CCDC134: variants seen among roughly 807,000 people sequenced by gnomAD.
CCDC134 encodes coiled-coil domain containing 134.
CCDC134 carries 27 observed loss-of-function variants against 25.6 expected under a neutral mutation model. The observed-to-expected ratio is 1.05, with a 90% CI of 0.78 to 1.45. CCDC134 has a LOEUF of 1.45. Ranked by LOEUF, CCDC134 falls within the 40% of genes most tolerant of loss-of-function variation. The probability of loss-of-function intolerance (pLI) is 0.00; values close to 1 mark genes in which losing one functional copy is unlikely to be tolerated. For missense variants in CCDC134, 261 were observed against 286.7 expected (o/e 0.91, Z 0.65); for synonymous variants, 110 against 115.0 (o/e 0.96, Z 0.28).
intron 6 of CCDC134, among the ~76,000 whole-genome samples, chr22:41,819,266 G>A (rs770925680): frequency 1.3e-5 from 2 of 152,208 alleles, no homozygotes; most frequent in Admixed American, 1.3e-4. Flanking sequence ...CCAGGGGGCT[G>A]GCCCTGTCGC....
Position 41,813,400 on chromosome 22 carries a change from G to C in CCDC134, c.447G>C (p.Gln149His). 6.2e-7 allele frequency: 1 copy of C among 1,614,202 alleles called. No individual in the cohort carries two copies. The highest frequency in any genetic ancestry group is 8.5e-7 in the Non-Finnish European group (1 of 1,180,042). Reference protein sequence around the residue: ...LIRWGISFCNQTGVFNQGPHS... With the variant: ...LIRWGISFCNHTGVFNQGPHS... ...GCTGGGGTATCAGTTTCTGCAACCAGACAGGCGTCTTCAACCAGGGGCCCC... is the reference window on the plus strand; with the variant it reads ...GCTGGGGTATCAGTTTCTGCAACCACACAGGCGTCTTCAACCAGGGGCCCC... The change falls in exon 5 of 7, where the codon CAG (glutamine) becomes CAC (histidine). Residue 149 changes from glutamine (Q) to histidine (H), a missense_variant. Coordinates refer to ENST00000255784, the MANE Select transcript of CCDC134 (RefSeq NM_024821.5).
chr22:41,810,081 G>A, intron 3 of CCDC134, 81 bp downstream of exon 3: 2 of 1,600,182 alleles, frequency 1.2e-6, no homozygotes, highest in East Asian at 2.2e-5. Flanking sequence ...TTCCCTAACG[G>A]GTTGGTGTTC....
At chr22:41,803,077 G>T (rs2076551764) in intron 1 of CCDC134, among the ~76,000 whole-genome samples, 1 of 151,998 alleles carries the variant, frequency 6.6e-6, no homozygotes, top group African/African-American at 2.4e-5. Context: ...TCGCACCATT[G>T]CACTCCAGCC....
rs2076689820 is a variant in CCDC134 at position 41,828,467 on chromosome 22, C to T, written c.*2644C>T. On this transcript the variant is annotated 3_prime_UTR_variant, in exon 7 of 7. Coordinates refer to ENST00000255784, the MANE Select transcript of CCDC134 (RefSeq NM_024821.5). ...TGCCCCTTCTGGCACCTCCTTCCTC[C>T]TGGGCTCTTTCCTCTAATACCGTCA... is the stretch of plus-strand genomic sequence containing the variant. 6.6e-6 allele frequency among the ~76,000 whole-genome samples: 1 copy of T among 152,178 alleles called. No individual in the cohort carries two copies. The highest frequency in any genetic ancestry group is 2.4e-5 in the African/African-American group (1 of 41,436).
rs988247561 is a variant in CCDC134 at position 41,831,785 on chromosome 22, C to T, written c.*5962C>T. ...CTGTAATTTATTTTTATGTTTAATA[C>T]GGGTGTGGGATTTCTGATTTTTTTT... On this transcript the variant is annotated 3_prime_UTR_variant, in exon 7 of 7. Coordinates refer to ENST00000255784, the MANE Select transcript of CCDC134 (RefSeq NM_024821.5). 3.8e-5 allele frequency: 5 copies of T among 131,704 alleles called. No individual in the cohort carries two copies. The highest frequency in any genetic ancestry group is 6.3e-5 in the Non-Finnish European group (4 of 63,448). 8.2% of individuals were successfully genotyped at this position (131,704 alleles called of 1,614,324 possible).
At chr22:41,807,070 A>G (rs903795758) in intron 1 of CCDC134, among the ~76,000 whole-genome samples, 2 of 152,038 alleles carry the variant, frequency 1.3e-5, no homozygotes, top group Non-Finnish European at 1.5e-5. Flanking sequence ...CAAAACAAAA[A>G]CTAGTGCCTT....
At chr22:41,813,081 G>C (rs535709074) in intron 4 of CCDC134, among the ~76,000 whole-genome samples, 183 bp from the exon 5 acceptor site, 1 of 152,218 alleles carries the variant, frequency 6.6e-6, no homozygotes, top group East Asian at 1.9e-4. Flanking sequence ...GACTCAGTGA[G>C]CTGGTGGATG....
At chr22:41,812,936 A>G (rs563335606) in intron 4 of CCDC134, among the ~76,000 whole-genome samples, 1 of 152,282 alleles carries the variant, frequency 6.6e-6, no homozygotes, top group South Asian at 2.1e-4. Context: ...GTGTCTTCTA[A>G]GCAGCAAGAT....
Position 41,825,242 on chromosome 22 carries a change from A to G in CCDC134, c.565-456A>G, listed in dbSNP as rs985252979. Among the ~76,000 whole-genome samples, 1 of 151,842 alleles carries G rather than the reference A, an allele frequency of 6.6e-6. No homozygotes were observed. The highest frequency in any genetic ancestry group is 2.4e-5 in the African/African-American group (1 of 41,294). On this transcript the variant is annotated intron_variant, in intron 6 of 6. Transcript: ENST00000255784. The surrounding 1 kb of genome is among the most constrained non-coding windows in gnomAD (Gnocchi z 4.4). Reference sequence around the variant, plus strand: ...CAAGGGCCTGGGTTGCAGTTGAAGAATGCCCCCACGCCACCCCCTACCGCC... The same window carrying G: ...CAAGGGCCTGGGTTGCAGTTGAAGAGTGCCCCCACGCCACCCCCTACCGCC...
At chr22:41,819,963 T>TATATATATATATATATATATATATA (rs57794600) in intron 6 of CCDC134, among the ~76,000 whole-genome samples, 1 of 82,612 alleles carries the variant, frequency 1.2e-5, no homozygotes, top group African/African-American at 6.1e-5. Flanking sequence ...ACTTACCACT[T>TATATATATATATATATATATATATA]TATATATATA....
chr22:41,816,711 A>C (rs984641436), intron 6 of CCDC134, among the ~76,000 whole-genome samples: 5 of 152,188 alleles, frequency 3.3e-5, no homozygotes, highest in Non-Finnish European at 7.3e-5. Context: ...GAGGTCAGGA[A>C]AATCAAGACT....
chr22:41,813,902 C>T, intron 6 of CCDC134, 80 bp downstream of exon 6: 1 of 1,352,538 alleles, frequency 7.4e-7, no homozygotes, highest in Non-Finnish European at 1.1e-6. Context: ...GGGCTGGGGA[C>T]CTTGGGTGGC....
rs67246997 is a variant in CCDC134, at chr22:41,830,884, C to CTT, written c.*5082_*5083dup. On this transcript the variant is annotated 3_prime_UTR_variant, in exon 7 of 7. Transcript: ENST00000255784. ...AGATCCTTATTTTTTCTTTTCTTTT[C>CTT]TTTTTTTTTTTTTTTTTTTTTTGAG... Among the ~76,000 whole-genome samples, 384 of 117,202 alleles carry CTT rather than the reference C, an allele frequency of 3.3e-3. 6 individuals are homozygous for CTT. Among genetic ancestry groups the CTT allele is most frequent in the African/African-American group, 5.8e-3 (149 of 25,472 alleles). The allele number at this position is 117,202 out of a possible 152,430, so 76.9% of individuals were successfully genotyped here.
At chr22:41,809,253 A>G (rs1314167775) in intron 2 of CCDC134, among the ~76,000 whole-genome samples, 2 of 152,162 alleles carry the variant, frequency 1.3e-5, no homozygotes, top group African/African-American at 2.4e-5. Context: ...TGTGGGCAAG[A>G]TCCTGGGTGG....
intron 6 of CCDC134, among the ~76,000 whole-genome samples, chr22:41,819,964 TA>T (rs2076641234): frequency 1.6e-4 from 3 of 18,946 alleles, no homozygotes; most frequent in Non-Finnish European, 1.1e-4. Context: ...CTTACCACTT[TA>T]TATATATATA....
intron 6 of CCDC134, among the ~76,000 whole-genome samples, chr22:41,820,311 A>AT (rs1569358181): frequency 6.7e-6 from 1 of 149,146 alleles, no homozygotes; most frequent in African/African-American, 2.5e-5. Context: ...TTATATATAT[A>AT]TTTTTAAGAC....
chr22:41,812,039 GA>G (rs1156684397), intron 4 of CCDC134, among the ~76,000 whole-genome samples: 3 of 152,132 alleles, frequency 2.0e-5, no homozygotes, highest in African/African-American at 7.2e-5. Flanking sequence ...TAGGAAAACA[GA>G]AAATTCAAAT....
At chr22:41,808,848 C>T in intron 1 of CCDC134, 27 bp from the exon 2 acceptor site, 1 of 1,537,180 alleles carries the variant, frequency 6.5e-7, no homozygotes, top group Non-Finnish European at 9.0e-7. Context: ...CTGAGTCTCA[C>T]TCTCTTTCTT....
chr22:41,807,547 GCAGGAC>G (rs1569353723), intron 1 of CCDC134, among the ~76,000 whole-genome samples: 1 of 140,032 alleles, frequency 7.1e-6, no homozygotes, highest in Non-Finnish European at 1.5e-5. Flanking sequence ...GGGCAGCAGA[GCAGGAC>G]CCTGTCTCAA....
Sources: gnomAD v4.1 joint callset for allele counts (sites outside exome capture counted in the v4.1 genomes callset) on GRCh38, gnomAD v4.1.1 for gene constraint, Gnocchi (gnomAD v3.1) non-coding constraint, MANE v1.5 for transcripts, NCBI Gene and HGNC (gene_info 2026-07-23, HGNC 2026-07-21) for gene names.